Variants in ERCC6L2 observed in about 807,000 individuals in gnomAD.
The protein encoded by ERCC6L2 is DNA excision repair protein ERCC-6-like 2.
ERCC6L2 carries 77 observed loss-of-function variants against 132.0 expected under a neutral mutation model. That is an observed-to-expected ratio of 0.58 (90% CI 0.49 to 0.71). The LOEUF (loss-of-function observed/expected upper bound fraction) is 0.71, where lower values mean the gene tolerates loss of function less well. Ranked by LOEUF, ERCC6L2 falls within the 30% of genes least tolerant of loss-of-function variation. The pLI, the probability that ERCC6L2 is intolerant of heterozygous loss-of-function variation, is 0.00. For missense variants in ERCC6L2, 1,542 were observed against 1,837.6 expected (o/e 0.84, Z 2.94); for synonymous variants, 583 against 632.4 (o/e 0.92, Z 1.17).
intron 11 of ERCC6L2, among the ~76,000 whole-genome samples, chr9:95,938,975 G>A (rs1479425466): frequency 1.5e-5 from 2 of 135,784 alleles, no homozygotes; most frequent in African/African-American, 2.8e-5. Flanking sequence ...TGGTTGCTCT[G>A]GGTATTTACA....
In ERCC6L2 at chr9:95,956,021, T is replaced by C. The variant is rs770718898; in HGVS notation, c.1947+8T>C. The C allele has an allele frequency of 3.3e-6, 5 of 1,517,500 alleles. No individual in the cohort carries two copies. The South Asian group carries it at 4.8e-5, about 15-fold the overall frequency. The allele number at this position is 1,517,500 out of a possible 1,614,324, so 94.0% of individuals were successfully genotyped here. A position where few individuals can be genotyped will look rare whatever the true frequency, so the allele number is the denominator to read the frequency against. On this transcript the variant is annotated splice_region_variant and intron_variant, in intron 13 of 18. Transcript: ENST00000653738. Reference sequence around the variant, plus strand: ...CGACAGATATACAAGCAGGTAAATATGTTTCCCTTTTTCTGTTTCAGAGGT... The same window carrying C: ...CGACAGATATACAAGCAGGTAAATACGTTTCCCTTTTTCTGTTTCAGAGGT...
intron 17 of ERCC6L2, among the ~76,000 whole-genome samples, chr9:95,999,271 G>T (rs1203617605): frequency 2.6e-5 from 4 of 152,068 alleles, no homozygotes; most frequent in Non-Finnish European, 5.9e-5. Flanking sequence ...TGAGGCAGGA[G>T]AATGGCGTGA....
At position 96,012,793 on chromosome 9, in the gene ERCC6L2, G is replaced by T; in HGVS notation, c.4243G>T (p.Glu1415Ter). ...DLTRTGISRK[E>*]PLLKLENKKI... ...CACAAGAACGGGCATTTCAAGAAAA[G>T]AACCCCTTCTCAAATTGGAAAACAA... Residue 1415 changes from glutamate (E) to a stop codon, truncating the protein, a stop_gained, in exon 19 of 19, where the codon GAA becomes TAA. Coordinates refer to ENST00000653738, the MANE Select transcript of ERCC6L2 (RefSeq NM_020207.7). LOFTEE classifies it low-confidence loss of function (END_TRUNC). The T allele has an allele frequency of 7.3e-7, 1 of 1,367,516 alleles. No homozygotes were observed. The highest frequency in any genetic ancestry group is 9.8e-7 in the Non-Finnish European group (1 of 1,021,802). 84.7% of individuals were successfully genotyped at this position (1,367,516 alleles called of 1,614,324 possible).
intron 17 of ERCC6L2, among the ~76,000 whole-genome samples, chr9:95,997,791 A>G (rs995997684): frequency 3.3e-5 from 5 of 151,914 alleles, no homozygotes; most frequent in African/African-American, 1.2e-4. Flanking sequence ...CACAGCTTTG[A>G]TATAATTGGT....
At chr9:95,982,881 A>G (rs1477161038) in intron 17 of ERCC6L2, among the ~76,000 whole-genome samples, 3 of 152,148 alleles carry the variant, frequency 2.0e-5, no homozygotes, top group South Asian at 2.1e-4. Flanking sequence ...TTTTTAAACT[A>G]TAAACATAGA....
At chr9:95,971,402 T>C (rs961507943) in intron 15 of ERCC6L2, 2 of 152,234 alleles carry the variant, frequency 1.3e-5, no homozygotes, top group Non-Finnish European at 2.9e-5. Context: ...ACATATTGAA[T>C]TTAAATTTGT....
At chr9:95,943,577 A>G (rs1387273432) in intron 12 of ERCC6L2, among the ~76,000 whole-genome samples, 1 of 152,162 alleles carries the variant, frequency 6.6e-6, no homozygotes, top group Non-Finnish European at 1.5e-5. Flanking sequence ...CAGTCTACAG[A>G]ATGGGAGAAA....
chr9:95,979,043 G>A (rs918195688), intron 17 of ERCC6L2, among the ~76,000 whole-genome samples: 1 of 152,148 alleles, frequency 6.6e-6, no homozygotes, highest in African/African-American at 2.4e-5. Flanking sequence ...TAGGACCAGA[G>A]AAAATGCAAA....
chr9:95,894,142 A>C (rs1185879368), intron 2 of ERCC6L2, among the ~76,000 whole-genome samples: 1 of 152,236 alleles, frequency 6.6e-6, no homozygotes. Context: ...CATCTAACAC[A>C]ATGCCTGTTT....
chr9:95,909,010 A>C (rs1036923456), intron 4 of ERCC6L2, among the ~76,000 whole-genome samples: 2 of 152,234 alleles, frequency 1.3e-5, no homozygotes, highest in African/African-American at 4.8e-5. Flanking sequence ...TGGGTAAATT[A>C]GCCCATCTGG....
chr9:96,020,998 G>A (rs1262733782), downstream of ERCC6L2: 5 of 456,508 alleles, frequency 1.1e-5, no homozygotes, highest in Non-Finnish European at 1.3e-5. Context: ...TCGGACTGTT[G>A]GACCAAAAGT....
intron 2 of ERCC6L2, among the ~76,000 whole-genome samples, chr9:95,894,838 C>T (rs1395278346): frequency 1.3e-5 from 2 of 152,004 alleles, no homozygotes; most frequent in South Asian, 2.1e-4. Flanking sequence ...TCAGGTGATC[C>T]GCCCGCCTCG....
Position 95,876,033 on chromosome 9 carries a change from G to A in ERCC6L2, c.-6G>A. The A allele has an allele frequency of 6.3e-7, 1 of 1,588,880 alleles. No individual in the cohort carries two copies. Among genetic ancestry groups the A allele is most frequent in the Non-Finnish European group, 8.6e-7 (1 of 1,168,558 alleles). On this transcript the variant is annotated 5_prime_UTR_variant, in exon 1 of 19. Coordinates refer to ENST00000653738, the MANE Select transcript of ERCC6L2 (RefSeq NM_020207.7). The stretch of plus-strand genomic sequence containing the variant: ...GCAGCCGGGCTCGGCCCCTCCCCCT[G>A]GCCGGATGGATCCGTCGGCGCCACA...
chr9:95,959,956 A>T (rs1831823356), intron 13 of ERCC6L2, among the ~76,000 whole-genome samples: 1 of 152,092 alleles, frequency 6.6e-6, no homozygotes, highest in Non-Finnish European at 1.5e-5. Flanking sequence ...GATACTAAAA[A>T]AGAAGGGAGC....
At chr9:96,028,164 G>C (rs949437438) in intron 19 of ERCC6L2, among the ~76,000 whole-genome samples, 1 of 151,666 alleles carries the variant, frequency 6.6e-6, no homozygotes. Context: ...TGTTTTCAGA[G>C]TTTCCTATTT....
intron 6 of ERCC6L2, among the ~76,000 whole-genome samples, chr9:95,917,061 C>T (rs192070987): frequency 2.6e-5 from 4 of 152,266 alleles, no homozygotes; most frequent in East Asian, 3.9e-4. Context: ...TCTGTTCACA[C>T]GTTGTCCTTC....
chr9:95,967,838 T>C (rs1832230500), intron 14 of ERCC6L2: 1 of 152,156 alleles, frequency 6.6e-6, no homozygotes, highest in Non-Finnish European at 1.5e-5. Flanking sequence ...ATCAATAACT[T>C]TGTTTGCCCT....
intron 4 of ERCC6L2, among the ~76,000 whole-genome samples, chr9:95,910,008 A>G (rs1055732111): frequency 1.3e-5 from 2 of 152,018 alleles, no homozygotes; most frequent in African/African-American, 4.8e-5. Context: ...TGTAATTTGC[A>G]TTTTTCTGAT....
At position 95,880,978 on chromosome 9, in the gene ERCC6L2, A is replaced by C; in HGVS notation, c.156A>C (p.Ala52=). Reference sequence around the variant, plus strand: ...TGGATGAAAATGGCAAGTCATTTGCAGTCGTCTTATATGCAGATTTTCAAG... The same window carrying C: ...TGGATGAAAATGGCAAGTCATTTGCCGTCGTCTTATATGCAGATTTTCAAG... ...ITVDENGKSF[A]VVLYADFQER... is the part of the protein sequence containing the mutation. Residue 52 remains alanine (A), a synonymous_variant, in exon 2 of 19, where the codon GCA becomes GCC. Coordinates refer to ENST00000653738, the MANE Select transcript of ERCC6L2 (RefSeq NM_020207.7). 6.2e-7 allele frequency: 1 copy of C among 1,614,086 alleles called. No individual in the cohort carries two copies. The highest frequency in any genetic ancestry group is 8.5e-7 in the Non-Finnish European group (1 of 1,179,950).
Sources: gnomAD v4.1 joint callset for allele counts (sites outside exome capture counted in the v4.1 genomes callset) on GRCh38, gnomAD v4.1.1 for gene constraint, MANE v1.5 for transcripts, NCBI Gene and HGNC (gene_info 2026-07-23, HGNC 2026-07-21) for gene names.